The following MIPOL1 variants were observed in gnomAD, a reference collection of about 807,000 sequenced individuals.
MIPOL1 encodes mirror-image polydactyly gene 1 protein.
A neutral mutation model predicts 60.9 loss-of-function variants in MIPOL1; 57 were observed. That is an observed-to-expected ratio of 0.94 (90% CI 0.76 to 1.17). The LOEUF (loss-of-function observed/expected upper bound fraction) is 1.17, where lower values mean the gene tolerates loss of function less well. Ranked by LOEUF, MIPOL1 falls within the 50% of genes most tolerant of loss-of-function variation. The pLI is 0.00. For missense variants in MIPOL1, 551 were observed against 511.6 expected (o/e 1.08, Z -0.74); for synonymous variants, 179 against 168.8 (o/e 1.06, Z -0.47).
At chr14:37,213,084 C>T (rs955409653) in intron 1 of MIPOL1, among the ~76,000 whole-genome samples, 2 of 152,258 alleles carry the variant, frequency 1.3e-5, no homozygotes, top group East Asian at 3.9e-4. Context: ...TCTGGAAAGC[C>T]TTCCCAAGAA....
At position 37,546,890 on chromosome 14, in the gene MIPOL1, C is replaced by G. The variant is rs2095549633; in HGVS notation, c.1263-15C>G. ...TTTTTTTCCCCTTCTCACCCCCATC[C>G]CAACCCCAACTTAGGTTGGAAAGGC... On this transcript the variant is annotated splice_polypyrimidine_tract_variant and intron_variant, in intron 12 of 12. Transcript: ENST00000684589. 1 of 1,612,516 alleles carries G rather than the reference C, an allele frequency of 6.2e-7. No homozygotes were observed. Among genetic ancestry groups the G allele is most frequent in the Non-Finnish European group, 8.5e-7 (1 of 1,179,038 alleles).
rs1193793752 is a variant in MIPOL1, at chr14:37,550,974, A to T, written c.*4003A>T. ...AGTTAAGTTAAACTTCTAAAAGTTG[A>T]ATTATTTAATGTAGGACTTCATAAA... is the stretch of plus-strand genomic sequence containing the variant. On this transcript the variant is annotated 3_prime_UTR_variant, in exon 13 of 13. Transcript: ENST00000684589. 1 of 152,120 alleles carries T rather than the reference A, an allele frequency of 6.6e-6. No homozygotes were observed. Among genetic ancestry groups the T allele is most frequent in the East Asian group, 1.9e-4 (1 of 5,200 alleles). The allele number at this position is 152,120 out of a possible 1,614,324, so 9.4% of individuals were successfully genotyped here.
intron 11 of MIPOL1, among the ~76,000 whole-genome samples, chr14:37,440,329 A>C (rs370802492): frequency 1.4e-4 from 22 of 152,296 alleles, no homozygotes; most frequent in African/African-American, 5.3e-4. Flanking sequence ...TACATGCGCA[A>C]ATTAAGTGAG....
intron 11 of MIPOL1, among the ~76,000 whole-genome samples, chr14:37,484,539 T>C (rs2094919002): frequency 6.6e-6 from 1 of 152,078 alleles, no homozygotes; most frequent in Admixed American, 6.6e-5. Flanking sequence ...GGTTTCACCA[T>C]GTTGTCCAGG....
intron 9 of MIPOL1, among the ~76,000 whole-genome samples, chr14:37,318,060 C>T (rs1374299710): frequency 2.0e-5 from 3 of 152,096 alleles, no homozygotes; most frequent in African/African-American, 4.8e-5. Flanking sequence ...CCTCATTTGG[C>T]GTCTGCATGA....
intron 7 of MIPOL1, among the ~76,000 whole-genome samples, chr14:37,289,111 A>G (rs1030819587): frequency 5.3e-5 from 8 of 152,236 alleles, no homozygotes; most frequent in Admixed American, 4.6e-4. Flanking sequence ...GTTTTATCAT[A>G]GATGGCATTT....
chr14:37,421,767 T>C (rs2093876718), intron 10 of MIPOL1, among the ~76,000 whole-genome samples: 2 of 151,722 alleles, frequency 1.3e-5, no homozygotes, highest in African/African-American at 4.9e-5. Flanking sequence ...AGTAGCATTC[T>C]GTAAAGTTCA....
intron 11 of MIPOL1, among the ~76,000 whole-genome samples, chr14:37,463,838 AG>A (rs1407390219): frequency 6.6e-6 from 1 of 152,228 alleles, no homozygotes; most frequent in African/African-American, 2.4e-5. Context: ...AGAAGAGAGG[AG>A]ATATTTGCTG....
chr14:37,482,706 C>T (rs529127975), intron 11 of MIPOL1, among the ~76,000 whole-genome samples: 1 of 152,292 alleles, frequency 6.6e-6, no homozygotes, highest in African/African-American at 2.4e-5. Flanking sequence ...GTTCCTCCCT[C>T]GACACCTGAA....
At chr14:37,367,859 T>G (rs2092524981) in intron 9 of MIPOL1, among the ~76,000 whole-genome samples, 1 of 152,102 alleles carries the variant, frequency 6.6e-6, no homozygotes, top group African/African-American at 2.4e-5. Context: ...GTTCATTTTC[T>G]CGGGTCATAA....
rs1163687878 is a variant in MIPOL1, at chr14:37,301,384, A to G, written c.624-6672A>G. 3.2e-4 allele frequency among the ~76,000 whole-genome samples: 5 copies of G among 15,820 alleles called. 2 individuals are homozygous for G. Among genetic ancestry groups the G allele is most frequent in the African/African-American group, 4.0e-4 (5 of 12,584 alleles). The allele number at this position is 15,820 out of a possible 152,430, so 10.4% of individuals were successfully genotyped here. A position where few individuals can be genotyped will look rare whatever the true frequency, so the allele number is the denominator to read the frequency against. On this transcript the variant is annotated intron_variant, in intron 7 of 12. Coordinates refer to ENST00000684589, the MANE Select transcript of MIPOL1 (RefSeq NM_001388067.1). ...CCACCATCTATTTACTTATTTGTTG[A>G]AACCCAGTATACATTGTAACTCTTT...
At chr14:37,508,733 C>G (rs2095301810) in intron 12 of MIPOL1, among the ~76,000 whole-genome samples, 1 of 152,116 alleles carries the variant, frequency 6.6e-6, no homozygotes. Flanking sequence ...CATTTCACTC[C>G]ACACTGTACT....
intron 10 of MIPOL1, among the ~76,000 whole-genome samples, chr14:37,393,432 G>C (rs1388060952): frequency 6.9e-6 from 1 of 145,442 alleles, no homozygotes; most frequent in Non-Finnish European, 1.5e-5. Context: ...GTGTGGCGGG[G>C]GTGGGGGTGG....
intron 12 of MIPOL1, among the ~76,000 whole-genome samples, chr14:37,500,974 A>C (rs2095207345): frequency 1.3e-5 from 2 of 152,208 alleles, no homozygotes; most frequent in South Asian, 4.1e-4. Context: ...TTACACTGTG[A>C]AGCAGTGCTC....
intron 1 of MIPOL1, among the ~76,000 whole-genome samples, chr14:37,199,117 G>A (rs1317976976): frequency 1.3e-5 from 2 of 152,050 alleles, no homozygotes. Context: ...TTTTTATTGC[G>A]TTAATATTTA....
At chr14:37,402,868 C>G (rs1450052625) in intron 10 of MIPOL1, among the ~76,000 whole-genome samples, 1 of 152,140 alleles carries the variant, frequency 6.6e-6, no homozygotes, top group African/African-American at 2.4e-5. Flanking sequence ...GTTTAGGTCA[C>G]CTAGGATCTA....
intron 10 of MIPOL1, among the ~76,000 whole-genome samples, chr14:37,392,139 A>C (rs2093261877): frequency 6.6e-6 from 1 of 152,158 alleles, no homozygotes; most frequent in African/African-American, 2.4e-5. Flanking sequence ...TTACAAAAAA[A>C]ATCCAGTTGG....
intron 1 of MIPOL1, among the ~76,000 whole-genome samples, chr14:37,201,189 G>A (rs1965281064): frequency 6.6e-6 from 1 of 152,048 alleles, no homozygotes; most frequent in Non-Finnish European, 1.5e-5. Flanking sequence ...ACAGGCACAA[G>A]CCACCACACC....
chr14:37,213,683 C>T (rs1186331270), intron 1 of MIPOL1, among the ~76,000 whole-genome samples: 1 of 152,016 alleles, frequency 6.6e-6, no homozygotes, highest in Non-Finnish European at 1.5e-5. Flanking sequence ...GAGAAATTCC[C>T]AAACCTAAAG....
Sources: gnomAD v4.1 joint callset for allele counts (sites outside exome capture counted in the v4.1 genomes callset) on GRCh38, gnomAD v4.1.1 for gene constraint, MANE v1.5 for transcripts, NCBI Gene and HGNC (gene_info 2026-07-23, HGNC 2026-07-21) for gene names.